The following TAF4B variants were observed in gnomAD, a reference collection of about 807,000 sequenced individuals.
The protein encoded by TAF4B is TATA-box binding protein associated factor 4b, also known as transcription initiation factor TFIID subunit 4B.
TAF4B carries 38 observed loss-of-function variants against 86.4 expected under a neutral mutation model. That is an observed-to-expected ratio of 0.44 (90% CI 0.34 to 0.58). The LOEUF is 0.58. Ranked by LOEUF, TAF4B falls within the 20% of genes least tolerant of loss-of-function variation. The pLI, the probability that TAF4B is intolerant of heterozygous loss-of-function variation, is 0.02. For synonymous variants in TAF4B, 388 were observed against 391.2 expected (o/e 0.99, Z 0.10); for missense variants, 988 against 1,027.6 (o/e 0.96, Z 0.53).
intron 12 of TAF4B, among the ~76,000 whole-genome samples, chr18:26,333,066 A>G (rs960957361): frequency 6.6e-6 from 1 of 151,844 alleles, no homozygotes; most frequent in African/African-American, 2.4e-5. Flanking sequence ...TTGTTTAGAT[A>G]TCTACTCAAA....
At chr18:26,232,567 G>A (rs180954946) in intron 1 of TAF4B, among the ~76,000 whole-genome samples, 5 of 152,292 alleles carry the variant, frequency 3.3e-5, no homozygotes, top group East Asian at 3.9e-4. Flanking sequence ...AAGCCATGTC[G>A]CCCAACTCCA....
At chr18:26,365,318 T>G (rs2057364921) in intron 14 of TAF4B, among the ~76,000 whole-genome samples, 1 of 152,160 alleles carries the variant, frequency 6.6e-6, no homozygotes, top group South Asian at 2.1e-4. Flanking sequence ...ATAATTCTGT[T>G]CTTGAGGATA....
At chr18:26,234,455 C>T (rs945070111) in intron 1 of TAF4B, among the ~76,000 whole-genome samples, 1 of 152,222 alleles carries the variant, frequency 6.6e-6, no homozygotes, top group African/African-American at 2.4e-5. Context: ...AACATACTTG[C>T]TATCTGTATA....
chr18:26,354,219 C>T (rs574042126), intron 13 of TAF4B, among the ~76,000 whole-genome samples: 6 of 152,156 alleles, frequency 3.9e-5, no homozygotes, highest in Admixed American at 1.3e-4. Context: ...GGATTACAGG[C>T]GTCCCCACCA....
intron 5 of TAF4B, among the ~76,000 whole-genome samples, chr18:26,280,733 C>T (rs1294223969): frequency 6.6e-6 from 1 of 152,100 alleles, no homozygotes; most frequent in Non-Finnish European, 1.5e-5. Context: ...CTGTGGAAAG[C>T]GGTTTGAAGA....
Position 26,391,589 on chromosome 18 carries a change from T to C in TAF4B, c.*1577T>C, listed in dbSNP as rs2144427433. ...TATTTAAATGCTTACCTTTATTTTT[T>C]GTAAAGTGCAGCATACTCATTTGTG... On this transcript the variant is annotated 3_prime_UTR_variant, in exon 15 of 15. Coordinates refer to ENST00000269142, the MANE Select transcript of TAF4B (RefSeq NM_005640.3). 6.6e-6 allele frequency: 1 copy of C among 152,322 alleles called. No homozygotes were observed. The allele number at this position is 152,322 out of a possible 1,614,324, so 9.4% of individuals were successfully genotyped here. A position where few individuals can be genotyped will look rare whatever the true frequency, so the allele number is the denominator to read the frequency against.
At chr18:26,315,943 C>T (rs2056906722) in intron 10 of TAF4B, among the ~76,000 whole-genome samples, 1 of 152,154 alleles carries the variant, frequency 6.6e-6, no homozygotes, top group Admixed American at 6.6e-5. Context: ...TGTCTCATGC[C>T]TGTAATCCTA....
chr18:26,259,273 T>C (rs2056129776), intron 1 of TAF4B, among the ~76,000 whole-genome samples: 1 of 151,992 alleles, frequency 6.6e-6, no homozygotes, highest in African/African-American at 2.4e-5. Context: ...TCTGAGAATC[T>C]GTTTATTTTT....
At chr18:26,260,802 C>A (rs549723464) in intron 1 of TAF4B, among the ~76,000 whole-genome samples, 2 of 152,184 alleles carry the variant, frequency 1.3e-5, no homozygotes, top group African/African-American at 2.4e-5. Context: ...ATATCTATCT[C>A]TAGTGATATT....
At chr18:26,274,848 A>G (rs2056364577) in intron 4 of TAF4B, 24 bp downstream of exon 4, 4 of 1,613,956 alleles carry the variant, frequency 2.5e-6, no homozygotes, top group East Asian at 2.2e-5. Context: ...TGCACCTTAC[A>G]TAAATCTTGT....
At chr18:26,340,902 T>C (rs141041333) in intron 13 of TAF4B, among the ~76,000 whole-genome samples, 2 of 152,324 alleles carry the variant, frequency 1.3e-5, no homozygotes, top group East Asian at 3.9e-4. Flanking sequence ...CTTGGAACCA[T>C]GAAAGCTTCA....
rs1254791667 is a variant in TAF4B at position 26,292,236 on chromosome 18, A to G, written c.1591-10A>G. The G allele has an allele frequency of 1.9e-6, 3 of 1,612,262 alleles. No homozygotes were observed. The highest frequency in any genetic ancestry group is 2.5e-6 in the Non-Finnish European group (3 of 1,179,406). On this transcript the variant is annotated splice_polypyrimidine_tract_variant and intron_variant, in intron 7 of 14. Coordinates refer to ENST00000269142, the MANE Select transcript of TAF4B (RefSeq NM_005640.3). ...TTGAACAACTATATTGATAGTTCTC[A>G]TTGTTTCAGGTAGTTCAGCAGCCTT... is the stretch of plus-strand genomic sequence containing the variant.
chr18:26,239,342 G>C (rs2055799990), intron 1 of TAF4B, among the ~76,000 whole-genome samples: 1 of 152,110 alleles, frequency 6.6e-6, no homozygotes, highest in Non-Finnish European at 1.5e-5. Flanking sequence ...GATGGCCAGT[G>C]ATGATGAGCA....
intron 1 of TAF4B, among the ~76,000 whole-genome samples, chr18:26,250,445 C>T (rs1051474108): frequency 6.6e-6 from 1 of 150,386 alleles, no homozygotes; most frequent in Admixed American, 6.7e-5. Flanking sequence ...TGCAGTGAGC[C>T]GAGATCACGC....
intron 9 of TAF4B, among the ~76,000 whole-genome samples, chr18:26,305,559 A>G (rs1185276500): frequency 6.6e-6 from 1 of 152,050 alleles, no homozygotes; most frequent in African/African-American, 2.4e-5. Context: ...GGCACGCGCC[A>G]CCACTCCCAG....
chr18:26,275,550 G>T lies in TAF4B; in HGVS notation c.882+497G>T, dbSNP rs865949409. On this transcript the variant is annotated intron_variant, in intron 5 of 14. Transcript: ENST00000269142. ...TAAATCTTGGCTAGAAAAACCTATT[G>T]TATATTTCTTTTGAAAATTTACCTT... is the stretch of plus-strand genomic sequence containing the variant. Among the ~76,000 whole-genome samples the T allele has an allele frequency of 2.4e-4, 37 of 152,164 alleles. 1 individual carries two copies. The highest frequency in any genetic ancestry group is 3.4e-3 in the Middle Eastern group (1 of 294).
At chr18:26,246,373 T>C (rs1191043112) in intron 1 of TAF4B, among the ~76,000 whole-genome samples, 1 of 152,204 alleles carries the variant, frequency 6.6e-6, no homozygotes, top group African/African-American at 2.4e-5. Context: ...CTAGATGGTA[T>C]GCCAATCAAG....
At chr18:26,271,982 C>T (rs568765083) in intron 3 of TAF4B, among the ~76,000 whole-genome samples, 3 of 139,834 alleles carry the variant, frequency 2.1e-5, no homozygotes, top group Non-Finnish European at 3.3e-5. Flanking sequence ...ATTTATTAGG[C>T]GAAAAGAAAA....
At chr18:26,300,392 AAAC>A (rs1371115899) in intron 9 of TAF4B, among the ~76,000 whole-genome samples, 13 of 149,988 alleles carry the variant, frequency 8.7e-5, no homozygotes, top group South Asian at 2.1e-4. Flanking sequence ...TACAAGATAA[AAAC>A]AACAACAACA....
Sources: gnomAD v4.1 joint callset for allele counts (sites outside exome capture counted in the v4.1 genomes callset) on GRCh38, gnomAD v4.1.1 for gene constraint, MANE v1.5 for transcripts, NCBI Gene and HGNC (gene_info 2026-07-23, HGNC 2026-07-21) for gene names.